IL12RB2: variants seen among roughly 807,000 people sequenced by gnomAD.
The protein encoded by IL12RB2 is interleukin-12 receptor subunit beta-2.
Under a neutral mutation model 89.4 loss-of-function variants are expected in IL12RB2, and 82 were observed. The observed-to-expected ratio is 0.92, with a 90% CI of 0.77 to 1.10. The LOEUF is 1.10. IL12RB2 is among the 50% of genes least tolerant of loss of function. The probability of loss-of-function intolerance (pLI) is 0.00; values close to 1 mark genes in which losing one functional copy is unlikely to be tolerated. For synonymous variants in IL12RB2, 368 were observed against 370.1 expected (o/e 0.99, Z 0.07); for missense variants, 963 against 1,031.9 (o/e 0.93, Z 0.92).
Position 67,396,404 on chromosome 1 carries a change from C to G in IL12RB2, c.*315C>G. On this transcript the variant is annotated 3_prime_UTR_variant, in exon 17 of 17. Transcript: ENST00000674203. ...GGGAAATGAGGAGGAGAGTAGAAAC[C>G]ACAGCTCTTAGTAGTAATGGCATAC... is the stretch of plus-strand genomic sequence containing the variant. The G allele has an allele frequency of 4.3e-6, 2 of 470,238 alleles. No homozygotes were observed. The highest frequency in any genetic ancestry group is 3.9e-6 in the Non-Finnish European group (1 of 254,184). 29.1% of individuals were successfully genotyped at this position (470,238 alleles called of 1,614,324 possible).
At chr1:67,310,184 C>CAAAAAAAAAAAAAAAAAAAA (rs890229904) in intron 1 of IL12RB2, among the ~76,000 whole-genome samples, 1 of 36,750 alleles carries the variant, frequency 2.7e-5, no homozygotes, top group Non-Finnish European at 6.4e-5. Context: ...AACTTCATCT[C>CAAAAAAAAAAAAAAAAAAAA]AAAAAAAAAA....
At chr1:67,358,846 G>T (rs572767329) in intron 10 of IL12RB2, among the ~76,000 whole-genome samples, 5 of 152,100 alleles carry the variant, frequency 3.3e-5, no homozygotes, top group Admixed American at 2.6e-4. Flanking sequence ...TAAGTGTTAA[G>T]AATAAAAAAC....
Position 67,372,746 on chromosome 1 carries a change from G to A in IL12RB2, c.1680G>A (p.Trp560Ter). ...GCCTCCTCCATTATAGGATATACTG[G>A]AAGGAACGGGACTCCAACTCCCAGC... is the stretch of plus-strand genomic sequence containing the variant. ...MGCLLHYRIY[W>*]KERDSNSQPQ... Residue 560 changes from tryptophan to a stop codon, truncating the protein, a stop_gained, in exon 13 of 17, where the codon TGG (tryptophan) becomes TGA (stop). Coordinates refer to ENST00000674203, the MANE Select transcript of IL12RB2 (RefSeq NM_001374259.2). LOFTEE classifies it high-confidence loss of function. 4 of 1,609,042 alleles carry A rather than the reference G, an allele frequency of 2.5e-6. No homozygotes were observed. Among genetic ancestry groups the A allele is most frequent in the Non-Finnish European group, 3.4e-6 (4 of 1,175,372 alleles).
At chr1:67,320,120 T>G (rs1229546010) in intron 2 of IL12RB2, among the ~76,000 whole-genome samples, 1 of 152,164 alleles carries the variant, frequency 6.6e-6, no homozygotes, top group Non-Finnish European at 1.5e-5. Flanking sequence ...CTCTAATCCT[T>G]TGCTGACCCC....
chr1:67,385,683 A>G (rs1305702626), intron 14 of IL12RB2, among the ~76,000 whole-genome samples: 2 of 152,222 alleles, frequency 1.3e-5, no homozygotes, highest in Admixed American at 1.3e-4. Flanking sequence ...TAAGTAGTAA[A>G]ATGCTGTAGT....
chr1:67,339,534 C>T (rs1487034791), intron 9 of IL12RB2, among the ~76,000 whole-genome samples: 1 of 151,870 alleles, frequency 6.6e-6, no homozygotes, highest in East Asian at 1.9e-4. Flanking sequence ...AGAAAGCAGC[C>T]CTTCCTCAGG....
At chr1:67,310,513 G>A (rs1420471225) in intron 1 of IL12RB2, among the ~76,000 whole-genome samples, 1 of 152,166 alleles carries the variant, frequency 6.6e-6, no homozygotes, top group African/African-American at 2.4e-5. Flanking sequence ...CAGTCTTTCA[G>A]TGTTAAATCA....
At chr1:67,342,447 G>T (rs1339885476) in intron 9 of IL12RB2, among the ~76,000 whole-genome samples, 1 of 152,136 alleles carries the variant, frequency 6.6e-6, no homozygotes, top group Non-Finnish European at 1.5e-5. Flanking sequence ...ACAACTCCGT[G>T]CTGATTGGGT....
chr1:67,390,633 G>C (rs956159860), intron 16 of IL12RB2, among the ~76,000 whole-genome samples: 1 of 151,896 alleles, frequency 6.6e-6, no homozygotes, highest in Non-Finnish European at 1.5e-5. Flanking sequence ...GCAAAGAAAA[G>C]GTTTTAAAGG....
chr1:67,321,749 G>A lies in IL12RB2; in HGVS notation c.224G>A (p.Arg75Lys). ...RNKLILYKFD[R>K]RINFHHGHSL... Reference sequence around the variant, plus strand: ...AAGTTAATCCTGTACAAGTTTGACAGAAGAATCAATTTTCACCATGGCCAC... The same window carrying A: ...AAGTTAATCCTGTACAAGTTTGACAAAAGAATCAATTTTCACCATGGCCAC... The change falls in exon 4 of 17, where the codon AGA (arginine) becomes AAA (lysine). Residue 75 changes from arginine (R) to lysine (K), a missense_variant. Transcript: ENST00000674203. 1 of 1,613,128 alleles carries A rather than the reference G, an allele frequency of 6.2e-7. No homozygotes were observed. The highest frequency in any genetic ancestry group is 1.3e-5 in the African/African-American group (1 of 75,004).
chr1:67,393,228 CCAT>C (rs965175783), intron 16 of IL12RB2, among the ~76,000 whole-genome samples: 22 of 152,128 alleles, frequency 1.4e-4, no homozygotes, highest in African/African-American at 4.6e-4. Flanking sequence ...GGCTACACCA[CCAT>C]GTGCCCTAAA....
chr1:67,390,158 G>A (rs1665648742), intron 16 of IL12RB2, 30 bp downstream of exon 16: 1 of 903,522 alleles, frequency 1.1e-6, no homozygotes, highest in Non-Finnish European at 1.9e-6. Flanking sequence ...TGGTCAGTCA[G>A]TGGAGTTCTA....
intron 9 of IL12RB2, among the ~76,000 whole-genome samples, chr1:67,344,289 TTAA>T (rs1659979612): frequency 6.6e-6 from 1 of 152,184 alleles, no homozygotes; most frequent in Non-Finnish European, 1.5e-5. Flanking sequence ...GAAATTAATT[TTAA>T]TAATTTTTTT....
intron 14 of IL12RB2, among the ~76,000 whole-genome samples, chr1:67,380,453 G>A (rs1261298446): frequency 6.6e-6 from 1 of 152,192 alleles, no homozygotes; most frequent in African/African-American, 2.4e-5. Context: ...GTTTACCTCT[G>A]TCTTCAAGGC....
At chr1:67,392,290 G>T (rs1227080786) in intron 16 of IL12RB2, among the ~76,000 whole-genome samples, 1 of 152,094 alleles carries the variant, frequency 6.6e-6, no homozygotes, top group African/African-American at 2.4e-5. Flanking sequence ...AGGTGCACCA[G>T]GATGCAAATT....
chr1:67,394,895 C>T (rs1666199883), intron 16 of IL12RB2, among the ~76,000 whole-genome samples: 1 of 152,222 alleles, frequency 6.6e-6, no homozygotes, highest in Non-Finnish European at 1.5e-5. Context: ...CTCCCCAAGA[C>T]AGAAGCAGTC....
In IL12RB2 at chr1:67,395,651, T is replaced by C. The variant is rs753440203; in HGVS notation, c.2151T>C (p.Val717=). Residue 717 remains valine (V), a synonymous_variant, in exon 17 of 17, where the codon GTT becomes GTC. Coordinates refer to ENST00000674203, the MANE Select transcript of IL12RB2 (RefSeq NM_001374259.2). ...AAGTCCTTCATCAAGTGACCCCAGT[T>C]TTCAGACATCCCCCCTGCTCCAACT... ...ISEVLHQVTP[V]FRHPPCSNWP... The C allele has an allele frequency of 6.2e-7, 1 of 1,614,194 alleles. No individual in the cohort carries two copies. The highest frequency in any genetic ancestry group is 8.5e-7 in the Non-Finnish European group (1 of 1,180,042).
chr1:67,335,401 T>G (rs543273567), intron 8 of IL12RB2, among the ~76,000 whole-genome samples: 8 of 152,268 alleles, frequency 5.3e-5, no homozygotes, highest in African/African-American at 1.9e-4. Context: ...TTGGGGGAGT[T>G]TGAACGTTTT....
intron 10 of IL12RB2, among the ~76,000 whole-genome samples, chr1:67,356,420 C>G (rs771745594): frequency 3.9e-4 from 60 of 152,308 alleles, no homozygotes; most frequent in Non-Finnish European, 6.9e-4. Context: ...TGGAACCTCA[C>G]TGGGGAGGAG....
Sources: allele counts gnomAD v4.1 joint callset (sites outside exome capture counted in the v4.1 genomes callset), GRCh38; gene constraint gnomAD v4.1.1; transcripts MANE v1.5; gene names NCBI Gene and HGNC (gene_info 2026-07-23, HGNC 2026-07-21).